The following EPHA6 variants were observed in gnomAD, a reference collection of about 807,000 sequenced individuals.
EPHA6 encodes ephrin type-A receptor 6.
In EPHA6, 50 loss-of-function variants were observed where a neutral mutation model predicts 112.0. The ratio of observed to expected loss-of-function variants is 0.45; its 90% CI spans 0.36 to 0.56. The LOEUF is 0.56. EPHA6 is among the 20% of genes least tolerant of loss of function. EPHA6 has a pLI of 0.00. For synonymous variants in EPHA6, 529 were observed against 490.7 expected (o/e 1.08, Z -1.03); for missense variants, 1,280 against 1,417.4 (o/e 0.90, Z 1.56).
intron 5 of EPHA6, among the ~76,000 whole-genome samples, chr3:97,263,577 T>C (rs2079571596): frequency 6.6e-6 from 1 of 151,748 alleles, no homozygotes; most frequent in African/African-American, 2.4e-5. Flanking sequence ...GGTGTTGTAC[T>C]TAGGAATTAG....
intron 5 of EPHA6, among the ~76,000 whole-genome samples, chr3:97,389,459 TA>T (rs1477259347): frequency 6.6e-6 from 1 of 152,184 alleles, no homozygotes; most frequent in African/African-American, 2.4e-5. Flanking sequence ...TTATAATATT[TA>T]TTTTTTGAAA....
At chr3:97,730,526 T>C (rs1484003122) in intron 15 of EPHA6, among the ~76,000 whole-genome samples, 1 of 152,056 alleles carries the variant, frequency 6.6e-6, no homozygotes, top group Non-Finnish European at 1.5e-5. Flanking sequence ...ACAAATATCA[T>C]AAAACCAAAC....
chr3:97,334,472 TTTC>T (rs1280144826), intron 5 of EPHA6, among the ~76,000 whole-genome samples: 1 of 146,462 alleles, frequency 6.8e-6, no homozygotes, highest in African/African-American at 2.6e-5. Context: ...TTTCTTTTTT[TTTC>T]TTCTTTTTTT....
intron 3 of EPHA6, among the ~76,000 whole-genome samples, chr3:97,096,367 A>G (rs2047239488): frequency 6.6e-6 from 1 of 151,890 alleles, no homozygotes. Flanking sequence ...AGTAGTTTAA[A>G]TATTTAGAGT....
chr3:97,309,152 C>T (rs1266953136), intron 5 of EPHA6, among the ~76,000 whole-genome samples: 1 of 151,562 alleles, frequency 6.6e-6, no homozygotes, highest in Non-Finnish European at 1.5e-5. Flanking sequence ...TTTTAGTCAA[C>T]TTATAAAATG....
chr3:97,344,123 C>T (rs1179954409), intron 5 of EPHA6, among the ~76,000 whole-genome samples: 1 of 152,016 alleles, frequency 6.6e-6, no homozygotes, highest in Non-Finnish European at 1.5e-5. Context: ...ATGACTTTTA[C>T]TTTGAGTCTC....
At chr3:97,287,710 T>C (rs2080523253) in intron 5 of EPHA6, among the ~76,000 whole-genome samples, 1 of 152,198 alleles carries the variant, frequency 6.6e-6, no homozygotes, top group Non-Finnish European at 1.5e-5. Context: ...ATGCATCTTG[T>C]TTATTAATAT....
At position 97,532,376 on chromosome 3, in the gene EPHA6, G is replaced by A. The variant is rs778740899; in HGVS notation, c.2219G>A (p.Cys740Tyr). 3 of 1,610,912 alleles carry A rather than the reference G, an allele frequency of 1.9e-6. No individual in the cohort carries two copies. The highest frequency in any genetic ancestry group is 2.7e-5 in the African/African-American group (2 of 74,742). The change falls in exon 11 of 18, where the codon TGT becomes TAT. Residue 740 changes from cysteine to tyrosine, a missense_variant. Physicochemically the swap from Cys to Tyr is radical, Grantham distance 194. Transcript: ENST00000389672. ...TTTTAAGGTGAATTTGGAGAAGTCTGTAGTGGGCGTTTGAAGACACCAGGG... is the reference window on the plus strand; with the variant it reads ...TTTTAAGGTGAATTTGGAGAAGTCTATAGTGGGCGTTTGAAGACACCAGGG... ...VIGAGEFGEV[C>Y]SGRLKTPGKR...
chr3:97,465,745 G>A (rs569556825), intron 7 of EPHA6, among the ~76,000 whole-genome samples: 6 of 152,076 alleles, frequency 3.9e-5, no homozygotes, highest in African/African-American at 1.4e-4. Context: ...GGTTAGCCGT[G>A]CTTCCATAAA....
chr3:97,698,102 A>G (rs1228476004), intron 14 of EPHA6, among the ~76,000 whole-genome samples: 1 of 152,148 alleles, frequency 6.6e-6, no homozygotes, highest in Non-Finnish European at 1.5e-5. Flanking sequence ...TCCCGGGTTC[A>G]AGCAATTCTC....
chr3:97,683,437 G>C (rs912240058), intron 14 of EPHA6, among the ~76,000 whole-genome samples: 2 of 152,058 alleles, frequency 1.3e-5, no homozygotes, highest in African/African-American at 4.8e-5. Context: ...TTATACATTA[G>C]TACAGATGTA....
At chr3:96,826,859 GAAATA>G (rs1168257018) in intron 1 of EPHA6, among the ~76,000 whole-genome samples, 1 of 152,004 alleles carries the variant, frequency 6.6e-6, no homozygotes, top group African/African-American at 2.4e-5. Context: ...AGGCAATTGT[GAAATA>G]AAATACCCAT....
intron 2 of EPHA6, among the ~76,000 whole-genome samples, chr3:96,875,771 A>G (rs1043808136): frequency 1.3e-5 from 2 of 152,072 alleles, no homozygotes; most frequent in Non-Finnish European, 2.9e-5. Flanking sequence ...ACACATCTTT[A>G]AAAGGTATGG....
intron 3 of EPHA6, among the ~76,000 whole-genome samples, chr3:97,144,106 T>C (rs1255641430): frequency 6.6e-6 from 1 of 151,720 alleles, no homozygotes; most frequent in African/African-American, 2.4e-5. Flanking sequence ...CTTAATTTCA[T>C]GGCCTTCCCT....
intron 3 of EPHA6, among the ~76,000 whole-genome samples, chr3:97,115,682 C>A (rs1235469650): frequency 6.6e-6 from 1 of 151,570 alleles, no homozygotes; most frequent in African/African-American, 2.4e-5. Flanking sequence ...AGTTGGGAAT[C>A]CATTATATTT....
chr3:97,544,823 G>A (rs1560120399), intron 11 of EPHA6, among the ~76,000 whole-genome samples: 3 of 152,144 alleles, frequency 2.0e-5, no homozygotes, highest in South Asian at 4.1e-4. Context: ...GTCTTGGGAG[G>A]ATGTATGTGT....
At chr3:97,469,838 A>G (rs1352978407) in intron 7 of EPHA6, among the ~76,000 whole-genome samples, 1 of 151,730 alleles carries the variant, frequency 6.6e-6, no homozygotes, top group Non-Finnish European at 1.5e-5. Flanking sequence ...ATACTGTGGA[A>G]AGGCAACCTA....
At chr3:97,121,873 C>T (rs548869401) in intron 3 of EPHA6, among the ~76,000 whole-genome samples, 1 of 152,076 alleles carries the variant, frequency 6.6e-6, no homozygotes, top group Non-Finnish European at 1.5e-5. Flanking sequence ...TGAGGAACAC[C>T]AAGTCACCAG....
chr3:97,121,937 C>G (rs924629757), intron 3 of EPHA6, among the ~76,000 whole-genome samples: 3 of 151,894 alleles, frequency 2.0e-5, no homozygotes, highest in Non-Finnish European at 2.9e-5. Context: ...GTCTGGTCCC[C>G]CATATTCATC....
Sources: allele counts gnomAD v4.1 joint callset (sites outside exome capture counted in the v4.1 genomes callset), GRCh38; gene constraint gnomAD v4.1.1; transcripts MANE v1.5; gene names NCBI Gene and HGNC (gene_info 2026-07-23, HGNC 2026-07-21).